The following MEF2A variants were observed in gnomAD, a reference collection of about 807,000 sequenced individuals.
MEF2A encodes myocyte-specific enhancer factor 2A.
MEF2A carries 28 observed loss-of-function variants against 55.8 expected under a neutral mutation model. The observed-to-expected ratio is 0.50, with a 90% CI of 0.37 to 0.69. The LOEUF (loss-of-function observed/expected upper bound fraction) is 0.69, where lower values mean the gene tolerates loss of function less well. Ranked by LOEUF, MEF2A falls within the 30% of genes least tolerant of loss-of-function variation. The probability of loss-of-function intolerance (pLI) is 0.00; values close to 1 mark genes in which losing one functional copy is unlikely to be tolerated. For synonymous variants in MEF2A, 239 were observed against 227.1 expected (o/e 1.05, Z -0.47); for missense variants, 528 against 626.2 (o/e 0.84, Z 1.67).
intron 2 of MEF2A, among the ~76,000 whole-genome samples, chr15:99,598,911 G>T (rs907192962): frequency 6.6e-6 from 1 of 152,120 alleles, no homozygotes; most frequent in Non-Finnish European, 1.5e-5. Flanking sequence ...TCAAGTGAAA[G>T]ATGACATGCA....
intron 4 of MEF2A, among the ~76,000 whole-genome samples, chr15:99,647,736 T>C (rs528573642): frequency 2.1e-4 from 32 of 152,312 alleles, no homozygotes; most frequent in African/African-American, 7.7e-4. Context: ...TTAATTGCAT[T>C]TCCTCAAAAT....
intron 1 of MEF2A, among the ~76,000 whole-genome samples, chr15:99,591,749 T>G (rs1251771084): frequency 1.3e-5 from 2 of 152,172 alleles, no homozygotes; most frequent in Non-Finnish European, 2.9e-5. Flanking sequence ...TCATCTTCTT[T>G]TCTGCAGTTT....
chr15:99,596,634 C>T (rs907590420), intron 1 of MEF2A, among the ~76,000 whole-genome samples: 1 of 152,158 alleles, frequency 6.6e-6, no homozygotes, highest in Non-Finnish European at 1.5e-5. Flanking sequence ...AATGGATTTA[C>T]TTGGGGATTG....
intron 8 of MEF2A, among the ~76,000 whole-genome samples, chr15:99,699,952 ATGTGTGTGTGTGTGTGTG>A (rs752346994): frequency 7.7e-6 from 1 of 130,582 alleles, no homozygotes; most frequent in African/African-American, 2.9e-5. Flanking sequence ...AAGAGTTTAT[ATGTGTGTGTGTGTGTGTG>A]TGTGTGTGTG....
At chr15:99,636,587 C>T (rs1387195001) in intron 3 of MEF2A, among the ~76,000 whole-genome samples, 1 of 152,180 alleles carries the variant, frequency 6.6e-6, no homozygotes, top group Non-Finnish European at 1.5e-5. Context: ...GATCCTCCTG[C>T]CTTGGCTTCC....
intron 8 of MEF2A, among the ~76,000 whole-genome samples, chr15:99,697,819 T>G (rs1380938866): frequency 1.3e-5 from 2 of 152,154 alleles, no homozygotes; most frequent in Non-Finnish European, 1.5e-5. Flanking sequence ...CTACCCGATT[T>G]CAAGACCTAC....
At chr15:99,620,495 C>T (rs1360181527) in intron 2 of MEF2A, among the ~76,000 whole-genome samples, 2 of 152,140 alleles carry the variant, frequency 1.3e-5, no homozygotes, top group Admixed American at 6.5e-5. Flanking sequence ...CAGCTGCCTC[C>T]GTGTTGCTGC....
At chr15:99,707,402 C>G (rs767539121) in intron 10 of MEF2A, among the ~76,000 whole-genome samples, 1 of 152,140 alleles carries the variant, frequency 6.6e-6, no homozygotes, top group South Asian at 2.1e-4. Context: ...AAGGGCTGTT[C>G]TGATTTCTCC....
At chr15:99,605,346 A>G (rs1974678904) in intron 2 of MEF2A, among the ~76,000 whole-genome samples, 2 of 152,196 alleles carry the variant, frequency 1.3e-5, no homozygotes. Context: ...CTTTAATTCC[A>G]TCTGCAACCT....
chr15:99,701,442 CT>C (rs1314654392), intron 8 of MEF2A, among the ~76,000 whole-genome samples: 6 of 152,174 alleles, frequency 3.9e-5, no homozygotes, highest in Non-Finnish European at 8.8e-5. Flanking sequence ...GACTGAGGAA[CT>C]GTCACAGAGC....
chr15:99,650,495 T>C (rs1271994689), intron 4 of MEF2A, among the ~76,000 whole-genome samples: 1 of 152,216 alleles, frequency 6.6e-6, no homozygotes, highest in African/African-American at 2.4e-5. Context: ...ATTTGAATTA[T>C]CTTATTGAAT....
chr15:99,639,058 A>G (rs1324419994), intron 3 of MEF2A, among the ~76,000 whole-genome samples: 1 of 152,218 alleles, frequency 6.6e-6, no homozygotes, highest in Non-Finnish European at 1.5e-5. Context: ...GAAAGAAAGC[A>G]GTTTAAAAAT....
chr15:99,617,677 A>C (rs1449309725), intron 2 of MEF2A, among the ~76,000 whole-genome samples: 1 of 151,536 alleles, frequency 6.6e-6, no homozygotes, highest in East Asian at 1.9e-4. Context: ...AACTCCAGTC[A>C]CTCTTTCATC....
chr15:99,641,883 G>A (rs753028106), intron 3 of MEF2A, among the ~76,000 whole-genome samples: 3 of 151,996 alleles, frequency 2.0e-5, no homozygotes, highest in Non-Finnish European at 2.9e-5. Flanking sequence ...GTTTAGCACC[G>A]CCTCACTGCC....
rs1208294699 is a variant in MEF2A at position 99,575,958 on chromosome 15, T to G, written c.-225+9854T>G. ...AACTTCTTCACATTAACTCATTGGT[T>G]GTTTTAACATGCCCCCATCATTTGT... On this transcript the variant is annotated intron_variant, in intron 1 of 11. Coordinates refer to ENST00000557942, the MANE Select transcript of MEF2A (RefSeq NM_001319206.4). 5.3e-5 allele frequency among the ~76,000 whole-genome samples: 8 copies of G among 152,268 alleles called. No homozygotes were observed. In the South Asian group the frequency reaches 1.0e-3, roughly 20 times the overall value.
At chr15:99,620,325 A>G (rs2570811) in intron 2 of MEF2A, among the ~76,000 whole-genome samples, 7 of 152,228 alleles carry the variant, frequency 4.6e-5, no homozygotes, top group East Asian at 1.9e-4. Context: ...TAGTTTTTCA[A>G]TCTTTACCCA....
chr15:99,661,465 A>T (rs1372347050), intron 4 of MEF2A, among the ~76,000 whole-genome samples: 2 of 151,548 alleles, frequency 1.3e-5, no homozygotes, highest in Non-Finnish European at 2.9e-5. Context: ...TACAATGTAT[A>T]AAATTAGCCA....
At chr15:99,613,189 G>A (rs1035683875) in intron 2 of MEF2A, among the ~76,000 whole-genome samples, 1 of 152,174 alleles carries the variant, frequency 6.6e-6, no homozygotes, top group Non-Finnish European at 1.5e-5. Context: ...CTTTTAAAAA[G>A]TACTCTTGCT....
intron 4 of MEF2A, among the ~76,000 whole-genome samples, chr15:99,650,839 A>G (rs148135120): frequency 3.9e-5 from 6 of 152,302 alleles, no homozygotes; most frequent in African/African-American, 7.2e-5. Context: ...TAGAAATGCA[A>G]GTTCTTGGTC....
Sources: allele counts gnomAD v4.1 joint callset (sites outside exome capture counted in the v4.1 genomes callset), GRCh38; gene constraint gnomAD v4.1.1; transcripts MANE v1.5; gene names NCBI Gene and HGNC (gene_info 2026-07-23, HGNC 2026-07-21).